TYR: variants seen among roughly 807,000 people sequenced by gnomAD.
TYR encodes LB24-AB.
Under a neutral mutation model 51.5 loss-of-function variants are expected in TYR, and 58 were observed. The ratio of observed to expected loss-of-function variants is 1.13; its 90% CI spans 0.91 to 1.40. The LOEUF (loss-of-function observed/expected upper bound fraction) is 1.40. TYR is among the 40% of genes most tolerant of loss of function. The pLI, the probability that TYR is intolerant of heterozygous loss-of-function variation, is 0.00. For synonymous variants in TYR, 263 were observed against 235.2 expected, an observed-to-expected ratio of 1.12 and a Z score of -1.08; for missense variants, 732 against 647.4, an observed-to-expected ratio of 1.13 and a Z score of -1.42.
At chr11:89,188,613 G>T (rs1243695390) in intron 1 of TYR, among the ~76,000 whole-genome samples, 1 of 152,090 alleles carries the variant, frequency 6.6e-6, no homozygotes, top group African/African-American at 2.4e-5. Flanking sequence ...CTAATATTGA[G>T]AAGGGTTACA....
chr11:89,206,387 T>C (rs1050514596), intron 2 of TYR, among the ~76,000 whole-genome samples: 15 of 152,144 alleles, frequency 9.9e-5, no homozygotes, highest in African/African-American at 3.4e-4. Context: ...AAAACAATTA[T>C]TGGAGTAAGA....
intron 4 of TYR, among the ~76,000 whole-genome samples, chr11:89,288,747 G>GCAAAA (rs1442169733): frequency 6.6e-6 from 1 of 151,840 alleles, no homozygotes; most frequent in Non-Finnish European, 1.5e-5. Flanking sequence ...TAAGAACAAA[G>GCAAAA]CAAAACAAAA....
chr11:89,198,771 T>TATATATATATA (rs1565394780), intron 2 of TYR, among the ~76,000 whole-genome samples: 12 of 123,364 alleles, frequency 9.7e-5, no homozygotes, highest in African/African-American at 5.4e-4. Flanking sequence ...ATATATATAT[T>TATATATATATA]TTTATACTTT....
At chr11:89,201,098 T>A (rs1418229846) in intron 2 of TYR, among the ~76,000 whole-genome samples, 5 of 152,196 alleles carry the variant, frequency 3.3e-5, no homozygotes, top group Non-Finnish European at 7.3e-5. Flanking sequence ...ATCACATTAT[T>A]AATATCACCA....
rs10526067 is a variant in TYR, at chr11:89,202,622, T to TACACACAC, written c.1036+11225_1036+11232dup. Among the ~76,000 whole-genome samples, 240 of 141,368 alleles carry TACACACAC rather than the reference T, an allele frequency of 1.7e-3. 3 individuals are homozygous for TACACACAC. Among genetic ancestry groups the TACACACAC allele is most frequent in the African/African-American group, 5.4e-3 (200 of 36,962 alleles). The allele number at this position is 141,368 out of a possible 152,430, so 92.7% of individuals were successfully genotyped here. On this transcript the variant is annotated intron_variant, in intron 2 of 4. Transcript: ENST00000263321. Reference sequence around the variant, plus strand: ...CCAAAACTAGAATATATTTTCATAATACACACACACACACACACACACACA... The same window carrying TACACACAC: ...CCAAAACTAGAATATATTTTCATAATACACACACACACACACACACACACACACACACA...
chr11:89,225,885 C>T (rs762210859), intron 2 of TYR, among the ~76,000 whole-genome samples: 6 of 151,810 alleles, frequency 4.0e-5, no homozygotes, highest in African/African-American at 4.8e-5. Context: ...GATAAATGAT[C>T]GAGGTGATTG....
In TYR at chr11:89,269,181, G is replaced by GT. The variant is rs528392609; in HGVS notation, c.1185-15591dup. Reference sequence around the variant, plus strand: ...TGGACAACTCAGTGAAGGGAGTAAGGTAAGTTTTGTTATCACCACTTCACA... The same window carrying GT: ...TGGACAACTCAGTGAAGGGAGTAAGGTTAAGTTTTGTTATCACCACTTCACA... On this transcript the variant is annotated intron_variant, in intron 3 of 4. Coordinates refer to ENST00000263321, the MANE Select transcript of TYR (RefSeq NM_000372.5). Among the ~76,000 whole-genome samples, 404 of 152,058 alleles carry GT rather than the reference G, an allele frequency of 2.7e-3. 2 individuals are homozygous for GT. The highest frequency in any genetic ancestry group is 9.3e-3 in the African/African-American group (387 of 41,516).
chr11:89,189,046 G>C (rs1218144963), intron 1 of TYR, among the ~76,000 whole-genome samples: 1 of 152,052 alleles, frequency 6.6e-6, no homozygotes, highest in Non-Finnish European at 1.5e-5. Context: ...TACAGGACTA[G>C]AACTCTCTAT....
intron 2 of TYR, among the ~76,000 whole-genome samples, chr11:89,196,647 A>G (rs1237774260): frequency 6.6e-6 from 1 of 152,210 alleles, no homozygotes; most frequent in Non-Finnish European, 1.5e-5. Context: ...TTGATCATAT[A>G]TTGTTTCAAA....
Position 89,178,221 on chromosome 11 carries a change from C to A in TYR, c.268C>A (p.Gln90Lys), listed in dbSNP as rs2135242036. 6.2e-7 allele frequency: 1 copy of A among 1,614,136 alleles called. No individual in the cohort carries two copies. The highest frequency in any genetic ancestry group is 8.5e-7 in the Non-Finnish European group (1 of 1,180,022). The change falls in exon 1 of 5, where the codon CAG becomes AAG. Residue 90 changes from glutamine (Q) to lysine (K), a missense_variant. Physicochemically the swap from Gln to Lys is moderately conservative, Grantham distance 53. Coordinates refer to ENST00000263321, the MANE Select transcript of TYR (RefSeq NM_000372.5). ...TTCCGTCTTTTATAATAGGACCTGC[C>A]AGTGCTCTGGCAACTTCATGGGATT... ...WPSVFYNRTC[Q>K]CSGNFMGFNC...
At chr11:89,219,244 C>T (rs1943875390) in intron 2 of TYR, among the ~76,000 whole-genome samples, 1 of 151,540 alleles carries the variant, frequency 6.6e-6, no homozygotes, top group Non-Finnish European at 1.5e-5. Flanking sequence ...AAATATTAGT[C>T]CTAAATTAAA....
chr11:89,198,227 C>CAA (rs142581241), intron 2 of TYR, among the ~76,000 whole-genome samples: 6 of 149,320 alleles, frequency 4.0e-5, no homozygotes, highest in African/African-American at 1.5e-4. Context: ...ACAACAACAA[C>CAA]AAAAAAAAAG....
chr11:89,229,268 A>G (rs1222238182), intron 3 of TYR, among the ~76,000 whole-genome samples: 1 of 151,898 alleles, frequency 6.6e-6, no homozygotes, highest in African/African-American at 2.4e-5. Context: ...TTTATTCAGA[A>G]ATCAGTGTAT....
intron 2 of TYR, among the ~76,000 whole-genome samples, chr11:89,209,163 T>C (rs1943715999): frequency 6.6e-6 from 1 of 151,990 alleles, no homozygotes; most frequent in Non-Finnish European, 1.5e-5. Flanking sequence ...GCACAAGGGG[T>C]TGGGGGATTT....
intron 3 of TYR, among the ~76,000 whole-genome samples, chr11:89,267,086 G>A (rs1285208093): frequency 1.3e-5 from 2 of 151,912 alleles, no homozygotes; most frequent in African/African-American, 4.8e-5. Flanking sequence ...ATCTACCACA[G>A]TTGGGGAGAG....
intron 4 of TYR, among the ~76,000 whole-genome samples, chr11:89,291,520 A>G (rs1409346519): frequency 6.6e-6 from 1 of 151,962 alleles, no homozygotes; most frequent in African/African-American, 2.4e-5. Flanking sequence ...AACCAAAAAT[A>G]AAAATCAACT....
At chr11:89,287,683 A>G (rs982541235) in intron 4 of TYR, among the ~76,000 whole-genome samples, 1 of 151,992 alleles carries the variant, frequency 6.6e-6, no homozygotes, top group African/African-American at 2.4e-5. Context: ...ATATTGTTAG[A>G]ATAATGCAAG....
At chr11:89,278,028 C>G (rs1944676499) in intron 3 of TYR, among the ~76,000 whole-genome samples, 1 of 151,660 alleles carries the variant, frequency 6.6e-6, no homozygotes, top group Non-Finnish European at 1.5e-5. Context: ...GTTCACCTTC[C>G]TAGCCTCATC....
rs541136353 is a variant in TYR at position 89,225,886 on chromosome 11, G to A, written c.1037-1937G>A. On this transcript the variant is annotated intron_variant, in intron 2 of 4. Transcript: ENST00000263321. ...CAACACAAAGAAAAGATAAATGATCGAGGTGATTGATATTCCAATTACTCT... is the reference window on the plus strand; with the variant it reads ...CAACACAAAGAAAAGATAAATGATCAAGGTGATTGATATTCCAATTACTCT... Among the ~76,000 whole-genome samples the A allele has an allele frequency of 1.3e-4, 19 of 151,902 alleles. No homozygotes were observed. The South Asian group carries it at 3.5e-3, about 28-fold the overall frequency.
Sources: allele counts gnomAD v4.1 joint callset (sites outside exome capture counted in the v4.1 genomes callset), GRCh38; gene constraint gnomAD v4.1.1; transcripts MANE v1.5; gene names NCBI Gene and HGNC (gene_info 2026-07-23, HGNC 2026-07-21).